DCC: variants seen among roughly 807,000 people sequenced by gnomAD.
The protein encoded by DCC is netrin receptor DCC.
DCC carries 58 observed loss-of-function variants against 172.5 expected under a neutral mutation model. The ratio of observed to expected loss-of-function variants is 0.34; its 90% CI spans 0.27 to 0.42. DCC has a LOEUF of 0.42. Among genes scored for constraint, DCC ranks in the 10% least tolerant of loss-of-function variants. The pLI is 1.00. For missense variants in DCC, 1,740 were observed against 1,791.0 expected, an observed-to-expected ratio of 0.97 and a Z score of 0.51; for synonymous variants, 709 against 644.5, an observed-to-expected ratio of 1.10 and a Z score of -1.52.
chr18:53,024,471 G>T (rs886373211), intron 5 of DCC, among the ~76,000 whole-genome samples: 7 of 152,226 alleles, frequency 4.6e-5, no homozygotes, highest in Non-Finnish European at 1.0e-4. Flanking sequence ...GTATTCAAAT[G>T]CTTTTTACTC....
chr18:52,829,963 A>C (rs1322863271), intron 2 of DCC, among the ~76,000 whole-genome samples: 1 of 152,166 alleles, frequency 6.6e-6, no homozygotes, highest in East Asian at 1.9e-4. Flanking sequence ...AGAAGATGAC[A>C]TTTGAGTGAA....
At chr18:53,518,793 C>G (rs990770812) in intron 27 of DCC, among the ~76,000 whole-genome samples, 4 of 152,118 alleles carry the variant, frequency 2.6e-5, no homozygotes, top group African/African-American at 9.7e-5. Context: ...AGGGGAAATT[C>G]TGCAGTGGCT....
At chr18:52,443,991 T>C (rs1264596898) in intron 1 of DCC, among the ~76,000 whole-genome samples, 1 of 152,168 alleles carries the variant, frequency 6.6e-6, no homozygotes, top group Non-Finnish European at 1.5e-5. Flanking sequence ...TTATAGAATC[T>C]GGCTGCTGAT....
At chr18:52,821,043 C>T (rs534325426) in intron 2 of DCC, among the ~76,000 whole-genome samples, 14 of 152,246 alleles carry the variant, frequency 9.2e-5, no homozygotes, top group South Asian at 4.1e-4. Context: ...CATTTTATGA[C>T]GTTATTTCAT....
rs539220452 is a variant in DCC at position 53,072,422 on chromosome 18, C to T, written c.1261+6256C>T. 2.0e-3 allele frequency among the ~76,000 whole-genome samples: 305 copies of T among 152,224 alleles called. 1 individual carries two copies. Among genetic ancestry groups the T allele is most frequent in the Middle Eastern group, 0.01 (3 of 294 alleles). On this transcript the variant is annotated intron_variant, in intron 7 of 28. Coordinates refer to ENST00000442544, the MANE Select transcript of DCC (RefSeq NM_005215.4). ...AAGATGAATTTAAGATATTAGTTAT[C>T]TCTGAGTTTCTTATCCTGGTTCTAG...
At chr18:52,781,823 T>A (rs900940133) in intron 2 of DCC, among the ~76,000 whole-genome samples, 1 of 152,128 alleles carries the variant, frequency 6.6e-6, no homozygotes, top group African/African-American at 2.4e-5. Flanking sequence ...AATTGGATGT[T>A]ATACCCATCT....
At chr18:53,258,716 T>C (rs531983634) in intron 12 of DCC, among the ~76,000 whole-genome samples, 1 of 152,352 alleles carries the variant, frequency 6.6e-6, no homozygotes, top group Non-Finnish European at 1.5e-5. Context: ...GTTCTGTAGA[T>C]GTCTATTAGG....
rs377623978 is a variant in DCC at position 53,526,015 on chromosome 18, T to C, written c.4112-602T>C. Among the ~76,000 whole-genome samples the C allele has an allele frequency of 7.2e-5, 11 of 152,236 alleles. No homozygotes were observed. In the South Asian group the frequency reaches 1.0e-3, roughly 14 times the overall value. ...ATATCATCTATTTGATACTCAGCAG[T>C]GCCTCTTATGATTTTCATGAGCAGC... On this transcript the variant is annotated intron_variant, in intron 27 of 28. Coordinates refer to ENST00000442544, the MANE Select transcript of DCC (RefSeq NM_005215.4).
Position 52,379,246 on chromosome 18 carries a change from TG to T in DCC, c.91+38369del, listed in dbSNP as rs1015347475. On this transcript the variant is annotated intron_variant, in intron 1 of 28. Transcript: ENST00000442544. ...TGATGACCTTGCTACAAAAGCATAATGTTTTTTTTTTCAAAAACAGATTGGA... is the reference window on the plus strand; with the variant it reads ...TGATGACCTTGCTACAAAAGCATAATTTTTTTTTTTCAAAAACAGATTGGA... 1.2e-4 allele frequency among the ~76,000 whole-genome samples: 17 copies of T among 146,284 alleles called. 1 individual carries two copies. In the East Asian group the frequency reaches 2.3e-3, roughly 20 times the overall value.
At chr18:53,046,703 C>T (rs2144019641) in intron 5 of DCC, among the ~76,000 whole-genome samples, 1 of 152,008 alleles carries the variant, frequency 6.6e-6, no homozygotes, top group African/African-American at 2.4e-5. Context: ...GTTCAAACTT[C>T]TCAATTTACA....
chr18:52,975,563 G>A (rs72928131), intron 5 of DCC, among the ~76,000 whole-genome samples: 5,368 of 152,088 alleles, frequency 0.035, 127 homozygotes, highest in African/African-American at 0.054. Flanking sequence ...TGATGTGTCT[G>A]TGTGTTCTCA....
rs1395770310 is a variant in DCC at position 53,340,091 on chromosome 18, G to C, written c.2359+184G>C. Among the ~76,000 whole-genome samples, 3 of 138,270 alleles carry C rather than the reference G, an allele frequency of 2.2e-5. No individual in the cohort carries two copies. The East Asian group carries it at 6.6e-4, about 31-fold the overall frequency. 90.7% of individuals were successfully genotyped at this position (138,270 alleles called of 152,430 possible). A position where few individuals can be genotyped will look rare whatever the true frequency, so the allele number is the denominator to read the frequency against. ...ACACACACACATACACACACACACA[G>C]GCACACATATACATTTCTTTGAATT... On this transcript the variant is annotated intron_variant, in intron 15 of 28. Transcript: ENST00000442544.
chr18:53,305,846 C>T (rs970873686), intron 13 of DCC, 127 bp downstream of exon 13: 2 of 916,542 alleles, frequency 2.2e-6, no homozygotes, highest in Admixed American at 3.7e-5. Flanking sequence ...CATCTATTGG[C>T]TGGAACAAGA....
At chr18:53,452,283 C>T (rs766991381) in intron 23 of DCC, among the ~76,000 whole-genome samples, 5 of 152,172 alleles carry the variant, frequency 3.3e-5, no homozygotes, top group African/African-American at 1.2e-4. Context: ...AAAATGACAC[C>T]TGGCCTACCA....
chr18:52,605,050 A>T (rs1480711611), intron 1 of DCC, among the ~76,000 whole-genome samples: 3 of 152,086 alleles, frequency 2.0e-5, no homozygotes, highest in East Asian at 3.9e-4. Context: ...TTGAGTCATT[A>T]ATCTCCTATT....
intron 2 of DCC, among the ~76,000 whole-genome samples, chr18:52,789,020 C>T (rs1465422793): frequency 7.3e-5 from 11 of 151,718 alleles, no homozygotes; most frequent in Non-Finnish European, 1.3e-4. Context: ...CAAGAGTATG[C>T]TTCTCTGATT....
At chr18:53,366,062 G>GT (rs112101701) in intron 15 of DCC, among the ~76,000 whole-genome samples, 27,885 of 147,014 alleles carry the variant, frequency 0.19, 3,002 homozygotes, top group African/African-American at 0.29. Flanking sequence ...ATACTTAATT[G>GT]TTTTTTTTTT....
At chr18:52,670,020 G>C (rs2035523572) in intron 1 of DCC, among the ~76,000 whole-genome samples, 1 of 152,144 alleles carries the variant, frequency 6.6e-6, no homozygotes, top group Admixed American at 6.5e-5. Context: ...TGGGAAGAGG[G>C]TTTCCTCAGA....
At chr18:52,812,269 T>C (rs2038216114) in intron 2 of DCC, among the ~76,000 whole-genome samples, 1 of 152,240 alleles carries the variant, frequency 6.6e-6, no homozygotes, top group South Asian at 2.1e-4. Context: ...TCAATTAAAT[T>C]TTGTAAGATC....
Sources: gnomAD v4.1 joint callset for allele counts (sites outside exome capture counted in the v4.1 genomes callset) on GRCh38, gnomAD v4.1.1 for gene constraint, MANE v1.5 for transcripts, NCBI Gene and HGNC (gene_info 2026-07-23, HGNC 2026-07-21) for gene names.